OSBPL6: variants seen among roughly 807,000 people sequenced by gnomAD.
OSBPL6 encodes the protein oxysterol binding protein like 6, also known as oxysterol-binding protein-related protein 6.
Under a neutral mutation model 125.8 loss-of-function variants are expected in OSBPL6, and 49 were observed. The observed-to-expected ratio is 0.39, with a 90% CI of 0.31 to 0.49. OSBPL6 has a LOEUF of 0.49. OSBPL6 is among the 20% of genes least tolerant of loss of function. The probability of loss-of-function intolerance (pLI) is 0.88; values close to 1 mark genes in which losing one functional copy is unlikely to be tolerated. For synonymous variants in OSBPL6, 394 were observed against 391.8 expected (o/e 1.01, Z -0.07); for missense variants, 986 against 1,135.4 (o/e 0.87, Z 1.89).
intron 1 of OSBPL6, among the ~76,000 whole-genome samples, chr2:178,254,521 T>G (rs991081899): frequency 2.6e-5 from 4 of 152,196 alleles, no homozygotes; most frequent in African/African-American, 9.7e-5. Flanking sequence ...AGAAAAGGAA[T>G]TATTTAGTAT....
rs944251717 is a variant in OSBPL6 at position 178,392,637 on chromosome 2, C to T, written c.2573+99C>T. On this transcript the variant is annotated intron_variant, in intron 23 of 24. Transcript: ENST00000190611. ...TTAGAAGGCTGAGGAGGGAAGATCA[C>T]TTGAGGTCAGGAATTCAAGACCAGC... 3.7e-5 allele frequency: 54 copies of T among 1,449,456 alleles called. No homozygotes were observed. In the Admixed American group the frequency reaches 1.2e-3, roughly 33 times the overall value. The allele number at this position is 1,449,456 out of a possible 1,614,324, so 89.8% of individuals were successfully genotyped here.
intron 1 of OSBPL6, among the ~76,000 whole-genome samples, chr2:178,223,955 C>A (rs1470770841): frequency 6.6e-6 from 1 of 152,224 alleles, no homozygotes; most frequent in Non-Finnish European, 1.5e-5. Context: ...AACACACTTG[C>A]CAGTCATCTT....
rs1696082091 is a variant in OSBPL6 at position 178,400,803 on chromosome 2, A to G, written c.*5244A>G. On this transcript the variant is annotated 3_prime_UTR_variant, in exon 25 of 25. Transcript: ENST00000190611. ...ATTGATCTGCTTTTATTATTTTTAA[A>G]AGTTAGCGTATTTTCTTATATGTAT... 1 of 152,118 alleles carries G rather than the reference A, an allele frequency of 6.6e-6. No individual in the cohort carries two copies. Among genetic ancestry groups the G allele is most frequent in the South Asian group, 2.1e-4 (1 of 4,824 alleles). The allele number at this position is 152,118 out of a possible 1,614,324, so 9.4% of individuals were successfully genotyped here. A position where few individuals can be genotyped will look rare whatever the true frequency, so the allele number is the denominator to read the frequency against.
At chr2:178,326,649 TACACACTGTATTTGTAAC>T (rs1574875931) in intron 4 of OSBPL6, among the ~76,000 whole-genome samples, 1 of 152,224 alleles carries the variant, frequency 6.6e-6, no homozygotes, top group Non-Finnish European at 1.5e-5. Flanking sequence ...TTTCATTTCT[TACACACTGTATTTGTAAC>T]ATTATCCACA....
intron 20 of OSBPL6, among the ~76,000 whole-genome samples, chr2:178,388,669 G>C (rs1276394594): frequency 2.0e-5 from 3 of 152,122 alleles, no homozygotes; most frequent in Non-Finnish European, 4.4e-5. Flanking sequence ...TAGATTGAAG[G>C]ACTAAAAACT....
At chr2:178,348,845 A>T (rs1480714454) in intron 11 of OSBPL6, among the ~76,000 whole-genome samples, 1 of 152,240 alleles carries the variant, frequency 6.6e-6, no homozygotes, top group Non-Finnish European at 1.5e-5. Flanking sequence ...CCAGGATCAG[A>T]TAGTCCAGAC....
chr2:178,320,392 A>G (rs761065037), intron 3 of OSBPL6: 1 of 1,613,212 alleles, frequency 6.2e-7, no homozygotes, highest in South Asian at 1.1e-5. Context: ...ATCAGGGGAA[A>G]CAGAGGGCGG....
chr2:178,286,251 A>G (rs941821798), intron 2 of OSBPL6, among the ~76,000 whole-genome samples: 4 of 152,216 alleles, frequency 2.6e-5, no homozygotes, highest in Admixed American at 6.5e-5. Flanking sequence ...TCTTGTTACT[A>G]TCCTAGTAAC....
In OSBPL6 at chr2:178,331,617, A is replaced by G; in HGVS notation, c.372+12A>G. 6.2e-7 allele frequency: 1 copy of G among 1,613,754 alleles called. No homozygotes were observed. On this transcript the variant is annotated intron_variant, in intron 6 of 24. Coordinates refer to ENST00000190611, the MANE Select transcript of OSBPL6 (RefSeq NM_032523.4). ...AGGCACCACTCGATGTAAGTAGCAC[A>G]CAGGACATGTTTCAAAGGTTGATTT...
intron 13 of OSBPL6, among the ~76,000 whole-genome samples, chr2:178,370,140 CT>C (rs1372453129): frequency 2.0e-5 from 3 of 152,148 alleles, no homozygotes; most frequent in African/African-American, 7.2e-5. Flanking sequence ...TGGTGCATAC[CT>C]GTAATCCCAG....
At chr2:178,295,265 A>G (rs1685642964) in intron 2 of OSBPL6, among the ~76,000 whole-genome samples, 1 of 152,166 alleles carries the variant, frequency 6.6e-6, no homozygotes, top group South Asian at 2.1e-4. Flanking sequence ...GCTGTTTAGT[A>G]ATCTACAGTC....
intron 1 of OSBPL6, among the ~76,000 whole-genome samples, chr2:178,270,138 A>G (rs2092344665): frequency 6.6e-6 from 1 of 152,188 alleles, no homozygotes; most frequent in Admixed American, 6.5e-5. Flanking sequence ...GGTTGGGGGT[A>G]GGCTCAGGAC....
intron 23 of OSBPL6, among the ~76,000 whole-genome samples, chr2:178,393,984 A>T (rs942760819): frequency 1.3e-5 from 2 of 152,184 alleles, no homozygotes; most frequent in African/African-American, 4.8e-5. Flanking sequence ...CTCACCCTGG[A>T]CTCTGCAGTT....
chr2:178,205,417 G>A (rs138878282), intron 1 of OSBPL6, among the ~76,000 whole-genome samples: 3 of 152,232 alleles, frequency 2.0e-5, no homozygotes, highest in Non-Finnish European at 4.4e-5. Flanking sequence ...GAGGAGTGAT[G>A]GGGGAGAAAG....
intron 1 of OSBPL6, among the ~76,000 whole-genome samples, chr2:178,218,752 C>T (rs1411579850): frequency 6.6e-6 from 1 of 151,830 alleles, no homozygotes; most frequent in African/African-American, 2.4e-5. Flanking sequence ...GCCTCAGCCT[C>T]CCGAATAGCT....
intron 1 of OSBPL6, among the ~76,000 whole-genome samples, chr2:178,231,507 T>C (rs1392490361): frequency 6.6e-6 from 1 of 152,158 alleles, no homozygotes; most frequent in Non-Finnish European, 1.5e-5. Context: ...ATTTTGGGGC[T>C]GCTTGTCATT....
intron 1 of OSBPL6, among the ~76,000 whole-genome samples, chr2:178,210,669 G>A (rs566489295): frequency 4.6e-5 from 7 of 152,058 alleles, no homozygotes; most frequent in East Asian, 3.9e-4. Context: ...AAAATAAGCC[G>A]GGCATTGTGG....
intron 1 of OSBPL6, among the ~76,000 whole-genome samples, chr2:178,201,746 G>A (rs2089269166): frequency 6.6e-6 from 1 of 152,194 alleles, no homozygotes; most frequent in African/African-American, 2.4e-5. Context: ...CTGGCACATG[G>A]TCCACATTAG....
intron 1 of OSBPL6, among the ~76,000 whole-genome samples, chr2:178,235,393 CTTTTCTTTTTTTTTTTTTTT>C: frequency 1.5e-5 from 1 of 64,536 alleles, no homozygotes; most frequent in Non-Finnish European, 3.3e-5. Context: ...TTTTTCTTTT[CTTTTCTTTTTTTTTTTTTTT>C]TTTTTTTTTT....
Sources: gnomAD v4.1 joint callset for allele counts (sites outside exome capture counted in the v4.1 genomes callset) on GRCh38, gnomAD v4.1.1 for gene constraint, MANE v1.5 for transcripts, NCBI Gene and HGNC (gene_info 2026-07-23, HGNC 2026-07-21) for gene names.